Variants in MYO9B observed in about 807,000 individuals in gnomAD.
MYO9B encodes myosin IXB, also known as unconventional myosin-IXb.
A neutral mutation model predicts 229.5 loss-of-function variants in MYO9B; 71 were observed. The ratio of observed to expected loss-of-function variants is 0.31; its 90% confidence interval spans 0.26 to 0.38. The LOEUF (loss-of-function observed/expected upper bound fraction) is 0.38. Among genes scored for constraint, MYO9B ranks in the 10% least tolerant of loss-of-function variants. MYO9B has a pLI of 1.00. For missense variants in MYO9B, 2,255 were observed against 2,920.5 expected (o/e 0.77, Z 5.25); for synonymous variants, 1,185 against 1,235.8 (o/e 0.96, Z 0.86).
At chr19:17,111,264 A>T (rs2145078314) in intron 2 of MYO9B, among the ~76,000 whole-genome samples, 1 of 152,282 alleles carries the variant, frequency 6.6e-6, no homozygotes, top group African/African-American at 2.4e-5. Context: ...GCTGCTCAGC[A>T]AGGGTGGCAG....
chr19:17,161,393 C>A (rs1321061225), intron 8 of MYO9B, among the ~76,000 whole-genome samples: 1 of 152,114 alleles, frequency 6.6e-6, no homozygotes, highest in Admixed American at 6.6e-5. Context: ...ACAGAGACCA[C>A]CTTGGCTGGT....
intron 24 of MYO9B, among the ~76,000 whole-genome samples, chr19:17,198,927 G>A (rs1317315852): frequency 1.3e-5 from 2 of 152,094 alleles, no homozygotes; most frequent in Admixed American, 1.3e-4. Context: ...CTGAATGGAT[G>A]CAGTAGGTCA....
At chr19:17,131,685 A>G (rs2072198009) in intron 2 of MYO9B, among the ~76,000 whole-genome samples, 2 of 152,102 alleles carry the variant, frequency 1.3e-5, no homozygotes, top group South Asian at 2.1e-4. Context: ...CCAGCCCTCA[A>G]TGTCCCTGGT....
At chr19:17,087,259 A>G (rs1470318261) in intron 1 of MYO9B, among the ~76,000 whole-genome samples, 3 of 151,724 alleles carry the variant, frequency 2.0e-5, no homozygotes, top group African/African-American at 7.3e-5. Context: ...GGGTGGCCAG[A>G]ATGCGCTGAA....
chr19:17,084,639 A>C (rs1286965113), intron 1 of MYO9B, among the ~76,000 whole-genome samples: 2 of 151,384 alleles, frequency 1.3e-5, no homozygotes, highest in African/African-American at 4.9e-5. Context: ...TGAGGCAGGC[A>C]GATCACTTGA....
Position 17,102,230 on chromosome 19 carries a change from G to A in MYO9B, c.513G>A (p.Leu171=), listed in dbSNP as rs757629948. The A allele has an allele frequency of 1.4e-5, 22 of 1,607,616 alleles. No individual in the cohort carries two copies. Among genetic ancestry groups the A allele is most frequent in the Non-Finnish European group, 1.7e-5 (20 of 1,176,780 alleles). ...TGAAGAACCTCAAGCACCGCTTCCT[G>A]CAACAAAAGATCTACACGTACGCGG... ...NLLKNLKHRF[L]QQKIYTYAGS... Residue 171 remains leucine, a synonymous_variant, in exon 2 of 40, where the codon CTG becomes CTA. Coordinates refer to ENST00000682292, the MANE Select transcript of MYO9B (RefSeq NM_004145.4).
At chr19:17,126,758 G>A (rs1414840619) in intron 2 of MYO9B, among the ~76,000 whole-genome samples, 9 of 147,668 alleles carry the variant, frequency 6.1e-5, no homozygotes, top group Non-Finnish European at 8.9e-5. Flanking sequence ...TCCTCCTCCC[G>A]GGTTCAAGCG....
intron 2 of MYO9B, among the ~76,000 whole-genome samples, chr19:17,121,934 C>T (rs1464471944): frequency 2.0e-5 from 3 of 151,546 alleles, no homozygotes; most frequent in Non-Finnish European, 4.4e-5. Context: ...TGTGTTGAGC[C>T]AGGATCGTGC....
chr19:17,192,099 G>A (rs1382816322), intron 20 of MYO9B, among the ~76,000 whole-genome samples: 2 of 151,788 alleles, frequency 1.3e-5, no homozygotes, highest in Non-Finnish European at 2.9e-5. Context: ...GGGATTACAG[G>A]TGCCCGCCAC....
chr19:17,095,199 C>T (rs951413508), intron 1 of MYO9B, among the ~76,000 whole-genome samples: 4 of 152,020 alleles, frequency 2.6e-5, no homozygotes, highest in Non-Finnish European at 5.9e-5. Context: ...GCCAGGGTCG[C>T]AGCACTGCAA....
At chr19:17,141,397 C>T (rs1391884386) in intron 2 of MYO9B, among the ~76,000 whole-genome samples, 1 of 152,200 alleles carries the variant, frequency 6.6e-6, no homozygotes, top group Non-Finnish European at 1.5e-5. Flanking sequence ...CGTGTGACTG[C>T]AGGGCGTGCC....
At chr19:17,138,935 G>C (rs2072304412) in intron 2 of MYO9B, among the ~76,000 whole-genome samples, 1 of 152,144 alleles carries the variant, frequency 6.6e-6, no homozygotes, top group African/African-American at 2.4e-5. Flanking sequence ...ACTTTGGGAG[G>C]CCAAGGCAGG....
At chr19:17,189,553 G>A (rs571034283) in intron 19 of MYO9B, among the ~76,000 whole-genome samples, 5 of 151,734 alleles carry the variant, frequency 3.3e-5, no homozygotes, top group Admixed American at 6.6e-5. Flanking sequence ...GATTGCTTGA[G>A]TCTGGGAGGT....
At position 17,207,113 on chromosome 19, in the gene MYO9B, G is replaced by A; in HGVS notation, c.5493G>A (p.Lys1831=). 1 of 1,610,714 alleles carries A rather than the reference G, an allele frequency of 6.2e-7. No homozygotes were observed. Among genetic ancestry groups the A allele is most frequent in the Non-Finnish European group, 8.5e-7 (1 of 1,179,280 alleles). ...CCTCTAACTGCCAGTGGCTGTGCAGGGTGGCCCTGCTCGAGGATGTCAACC... is the reference window on the plus strand; with the variant it reads ...CCTCTAACTGCCAGTGGCTGTGCAGAGTGGCCCTGCTCGAGGATGTCAACC... The part of the protein sequence containing the change: ...SLERLIFHLV[K]VALLEDVNRM... The change falls in exon 35 of 40, where the codon AAG becomes AAA. Residue 1831 remains lysine (K), a splice_region_variant and synonymous_variant. Coordinates refer to ENST00000682292, the MANE Select transcript of MYO9B (RefSeq NM_004145.4).
chr19:17,152,512 G>A (rs1160087574), intron 3 of MYO9B, 132 bp from the exon 4 acceptor site: 15 of 658,970 alleles, frequency 2.3e-5, no homozygotes, highest in Admixed American at 3.1e-5. Context: ...GCAGTGAGCC[G>A]AGATTGTGCC....
chr19:17,200,880 A>G (rs1029064866), intron 26 of MYO9B, 51 bp downstream of exon 26: 29 of 1,576,574 alleles, frequency 1.8e-5, no homozygotes, highest in Non-Finnish European at 2.3e-5. Flanking sequence ...CCCCAGGGGA[A>G]CCATCACAGC....
intron 26 of MYO9B, among the ~76,000 whole-genome samples, chr19:17,201,725 G>A (rs2073108265): frequency 6.6e-6 from 1 of 152,098 alleles, no homozygotes; most frequent in East Asian, 1.9e-4. Context: ...CCAATGTGGA[G>A]AGTAGTCCTG....
chr19:17,082,843 AG>A (rs2057545616), intron 1 of MYO9B, among the ~76,000 whole-genome samples: 1 of 151,930 alleles, frequency 6.6e-6, no homozygotes, highest in African/African-American at 2.4e-5. Flanking sequence ...GGAGAAGGTA[AG>A]GGTTGGGGTG....
intron 2 of MYO9B, among the ~76,000 whole-genome samples, chr19:17,117,937 C>CAA (rs567862829): frequency 0.011 from 961 of 91,122 alleles, 46 homozygotes; most frequent in Admixed American, 0.077. Flanking sequence ...CACTCTTCCT[C>CAA]AAAAAAAAAA....
Sources: allele counts gnomAD v4.1 joint callset (sites outside exome capture counted in the v4.1 genomes callset), GRCh38; gene constraint gnomAD v4.1.1; transcripts MANE v1.5; gene names NCBI Gene and HGNC (gene_info 2026-07-23, HGNC 2026-07-21).